The following POLI variants were observed in gnomAD, a reference collection of about 807,000 sequenced individuals.
The protein encoded by POLI is RAD30 homolog B.
Under a neutral mutation model 51.6 loss-of-function variants are expected in POLI, and 58 were observed. The ratio of observed to expected loss-of-function variants is 1.12; its 90% CI spans 0.91 to 1.40. POLI has a LOEUF of 1.40. POLI is among the 40% of genes most tolerant of loss of function. POLI has a pLI of 0.00. For missense variants in POLI, 921 were observed against 871.3 expected, an observed-to-expected ratio of 1.06 and a Z score of -0.72; for synonymous variants, 322 against 299.7, an observed-to-expected ratio of 1.07 and a Z score of -0.77.
chr18:54,290,666 C>T (rs1259354362), intron 8 of POLI, among the ~76,000 whole-genome samples: 1 of 152,108 alleles, frequency 6.6e-6, no homozygotes, highest in Non-Finnish European at 1.5e-5. Flanking sequence ...AGGATGAGTT[C>T]ATGTCCTTTG....
intron 3 of POLI, among the ~76,000 whole-genome samples, chr18:54,311,298 A>T (rs2088665307): frequency 6.6e-6 from 1 of 152,160 alleles, no homozygotes; most frequent in African/African-American, 2.4e-5. Flanking sequence ...AAGAAGACTC[A>T]CATATCCTTG....
Position 54,308,980 on chromosome 18 carries a change from G to A in POLI, c.334-11293G>A, listed in dbSNP as rs183089228. 5.3e-5 allele frequency among the ~76,000 whole-genome samples: 8 copies of A among 152,224 alleles called. No homozygotes were observed. In the East Asian group the frequency reaches 1.5e-3, roughly 29 times the overall value. On this transcript the variant is annotated intron_variant, in intron 3 of 4. Transcript: ENST00000579823. Reference sequence around the variant, plus strand: ...CACTGTTTATTCTAGTTAGCCATTCGTCTAATCTTTTTTCAAGGTTTTTAG... The same window carrying A: ...CACTGTTTATTCTAGTTAGCCATTCATCTAATCTTTTTTCAAGGTTTTTAG...
At chr18:54,276,422 T>C (rs2087243852) in intron 3 of POLI, among the ~76,000 whole-genome samples, 1 of 152,194 alleles carries the variant, frequency 6.6e-6, no homozygotes, top group South Asian at 2.1e-4. Flanking sequence ...TCCTGTGACC[T>C]AAAATCAGTC....
At chr18:54,298,948 A>G (rs1256808257), downstream of POLI, among the ~76,000 whole-genome samples, 1 of 152,200 alleles carries the variant, frequency 6.6e-6, no homozygotes, top group East Asian at 1.9e-4. Context: ...GATCTACTTT[A>G]GTAAATATAG....
At chr18:54,291,032 CCT>C (rs565638485) in intron 8 of POLI, among the ~76,000 whole-genome samples, 2 of 151,970 alleles carry the variant, frequency 1.3e-5, no homozygotes, top group Non-Finnish European at 1.5e-5. Context: ...TCTGCTAGGC[CCT>C]CTTTATCTCC....
In POLI at chr18:54,269,591, C is replaced by CGACGACGAGGAA. The variant is rs1568112076; in HGVS notation, c.50_61dup (p.Asp17_Asp20dup). The CGACGACGAGGAA allele has an allele frequency of 1.5e-6, 2 of 1,355,448 alleles. No individual in the cohort carries two copies. The highest frequency in any genetic ancestry group is 3.8e-5 in the Admixed American group (1 of 26,622). 84.0% of individuals were successfully genotyped at this position (1,355,448 alleles called of 1,614,324 possible). ...AGCCGGAGGAGGAAGGCGGCGGCGA[C>CGACGACGAGGAA]GACGACGAGGAAGACGCCGAGGCCT... On this transcript the variant is annotated inframe_insertion, in exon 1 of 10. Coordinates refer to ENST00000579534, the MANE Select transcript of POLI (RefSeq NM_007195.3).
downstream of POLI, among the ~76,000 whole-genome samples, chr18:54,302,334 C>G (rs186377703): frequency 6.6e-6 from 1 of 152,176 alleles, no homozygotes; most frequent in African/African-American, 2.4e-5. Context: ...TCAACTAAAC[C>G]AAACATTCTC....
chr18:54,287,604 A>G (rs2087808412), intron 8 of POLI, 193 bp downstream of exon 8: 2 of 433,270 alleles, frequency 4.6e-6, no homozygotes, highest in African/African-American at 2.0e-5. Context: ...TTTTTGAGAC[A>G]GGGTCTTGCT....
intron 3 of POLI, among the ~76,000 whole-genome samples, chr18:54,315,767 T>G (rs1179261819): frequency 1.3e-5 from 2 of 152,186 alleles, no homozygotes; most frequent in East Asian, 3.8e-4. Flanking sequence ...GATACAAAAA[T>G]AATGACCCCT....
In POLI at chr18:54,294,815, A is replaced by AT. The variant is rs34024782; in HGVS notation, c.*364dup. ...GTTGCAATGATATGGTAAAGGACAC[A>AT]TTTTTTTTTTTTTTTTCCTGTGAAA... On this transcript the variant is annotated 3_prime_UTR_variant, in exon 10 of 10. Transcript: ENST00000579534. 0.046 allele frequency: 41,141 copies of AT among 889,546 alleles called. 5 individuals are homozygous for AT. Among genetic ancestry groups the AT allele is most frequent in the Non-Finnish European group, 0.05 (37,417 of 746,366 alleles). 55.1% of individuals were successfully genotyped at this position (889,546 alleles called of 1,614,324 possible).
chr18:54,318,442 A>G (rs2088759779), intron 3 of POLI, among the ~76,000 whole-genome samples: 1 of 152,314 alleles, frequency 6.6e-6, no homozygotes, highest in Non-Finnish European at 1.5e-5. Flanking sequence ...TCATATTTCA[A>G]ATAGTCTTGA....
chr18:54,293,545 G>A (rs2088126269), intron 9 of POLI, 104 bp from the exon 10 acceptor site: 1 of 747,328 alleles, frequency 1.3e-6, no homozygotes, highest in East Asian at 2.7e-5. Context: ...TATTTGTTGA[G>A]TAGGTTAGAA....
chr18:54,274,760 T>C (rs1457653278), intron 3 of POLI: 1 of 152,154 alleles, frequency 6.6e-6, no homozygotes, highest in Non-Finnish European at 1.5e-5. Flanking sequence ...AATTACTTAA[T>C]ATATAGTGTA....
intron 3 of POLI, among the ~76,000 whole-genome samples, chr18:54,275,537 T>A (rs2087202921): frequency 6.6e-6 from 1 of 152,198 alleles, no homozygotes; most frequent in South Asian, 2.1e-4. Flanking sequence ...ATAGGGCTTG[T>A]TGAGTGAATA....
chr18:54,290,164 C>T, intron 8 of POLI, among the ~76,000 whole-genome samples: 1 of 152,172 alleles, frequency 6.6e-6, no homozygotes, highest in South Asian at 2.1e-4. Flanking sequence ...AAAAAGTGGG[C>T]AAAGGATATG....
At chr18:54,310,954 C>T (rs938696755) in intron 3 of POLI, 2 of 169,872 alleles carry the variant, frequency 1.2e-5, no homozygotes, top group East Asian at 1.9e-4. Context: ...GATGGGATCT[C>T]GTTATGTTGC....
At chr18:54,306,791 A>G (rs1482748421) in intron 3 of POLI, among the ~76,000 whole-genome samples, 1 of 151,934 alleles carries the variant, frequency 6.6e-6, no homozygotes, top group African/African-American at 2.4e-5. Context: ...CTTCTTCCTG[A>G]TTTAGTCTTG....
At chr18:54,291,154 G>A (rs1390770205) in intron 8 of POLI, among the ~76,000 whole-genome samples, 6 of 152,084 alleles carry the variant, frequency 3.9e-5, no homozygotes, top group African/African-American at 1.2e-4. Flanking sequence ...GTTGTACGGG[G>A]AGCCTATGTA....
chr18:54,305,222 T>C (rs1317537111), intron 3 of POLI, among the ~76,000 whole-genome samples: 1 of 152,230 alleles, frequency 6.6e-6, no homozygotes, highest in African/African-American at 2.4e-5. Context: ...TTCTTTTTGC[T>C]TAGGATTGTC....
Sources: gnomAD v4.1 joint callset for allele counts (sites outside exome capture counted in the v4.1 genomes callset) on GRCh38, gnomAD v4.1.1 for gene constraint, MANE v1.5 for transcripts, NCBI Gene and HGNC (gene_info 2026-07-23, HGNC 2026-07-21) for gene names.